Variants in NARF observed in about 807,000 individuals in gnomAD.
NARF encodes the protein iron-only hydrogenase-like protein 2.
NARF carries 41 observed loss-of-function variants against 48.0 expected under a neutral mutation model. That is an observed-to-expected ratio of 0.85 (90% CI 0.66 to 1.11). The LOEUF is 1.11. NARF is among the 50% of genes least tolerant of loss of function. NARF has a pLI of 0.00. For synonymous variants in NARF, 215 were observed against 225.5 expected (o/e 0.95, Z 0.42); for missense variants, 613 against 590.2 (o/e 1.04, Z -0.40).
At chr17:82,465,249 C>A (rs1461513891) in intron 3 of NARF, among the ~76,000 whole-genome samples, 1 of 152,196 alleles carries the variant, frequency 6.6e-6, no homozygotes, top group Non-Finnish European at 1.5e-5. Flanking sequence ...CACCTCCTGC[C>A]AGGCCCAGCC....
chr17:82,467,277 C>T (rs928314854), intron 3 of NARF, among the ~76,000 whole-genome samples: 8 of 151,940 alleles, frequency 5.3e-5, no homozygotes, highest in Non-Finnish European at 7.4e-5. Context: ...GAGCTCCTGA[C>T]CTCAGGCTAT....
intron 3 of NARF, among the ~76,000 whole-genome samples, chr17:82,466,762 C>CT (rs2043579886): frequency 6.6e-6 from 1 of 151,778 alleles, no homozygotes; most frequent in African/African-American, 2.4e-5. Flanking sequence ...CAGATACATT[C>CT]TTTTCTATTT....
chr17:82,486,786 C>G (rs915785059), intron 10 of NARF, among the ~76,000 whole-genome samples: 2 of 152,162 alleles, frequency 1.3e-5, no homozygotes, highest in African/African-American at 4.8e-5. Context: ...CCCTGGAACC[C>G]ATGGGGAGTG....
At chr17:82,478,991 G>A in intron 6 of NARF, 73 bp downstream of exon 6, 1 of 1,434,068 alleles carries the variant, frequency 7.0e-7, no homozygotes, top group Non-Finnish European at 9.6e-7. Context: ...AGGAAGGGGA[G>A]GTTCCCCATC....
At chr17:82,483,245 G>A (rs1302519433) in intron 7 of NARF, 2 of 383,896 alleles carry the variant, frequency 5.2e-6, no homozygotes, top group East Asian at 9.7e-5. Flanking sequence ...CTTGAACCCG[G>A]GAGGCAGAGG....
chr17:82,464,477 G>A (rs1486064813), intron 3 of NARF, 47 bp downstream of exon 3: 2 of 1,573,476 alleles, frequency 1.3e-6, no homozygotes, highest in Non-Finnish European at 1.7e-6. Context: ...TGACCTGGAG[G>A]AAGTGGAGGT....
chr17:82,460,251 G>C (rs1255770241), intron 2 of NARF, 179 bp downstream of exon 2: 2 of 486,092 alleles, frequency 4.1e-6, no homozygotes, highest in Non-Finnish European at 3.7e-6. Flanking sequence ...GATCACTTGA[G>C]GTCAGGAGTT....
chr17:82,477,037 GT>G (rs1278294229), intron 5 of NARF: 1 of 151,956 alleles, frequency 6.6e-6, no homozygotes, highest in Non-Finnish European at 1.5e-5. Context: ...CCAGCCAACA[GT>G]TTTTTAAGCA....
At chr17:82,464,148 G>A (rs1469869623) in intron 2 of NARF, 139 bp from the exon 3 acceptor site, 1 of 1,139,988 alleles carries the variant, frequency 8.8e-7, no homozygotes, top group African/African-American at 1.6e-5. Flanking sequence ...CCTGCTTCCA[G>A]CCCCTTGAGC....
In NARF at chr17:82,487,903, G is replaced by A; in HGVS notation, c.1130-13G>A. 1 of 1,613,956 alleles carries A rather than the reference G, an allele frequency of 6.2e-7. No homozygotes were observed. Among genetic ancestry groups the A allele is most frequent in the Non-Finnish European group, 8.5e-7 (1 of 1,179,862 alleles). ...CTGAGCCCAGGATAAACTTACCTGT[G>A]TTTATCTTTCAGGATGCTTAAATGG... On this transcript the variant is annotated splice_polypyrimidine_tract_variant and intron_variant, in intron 10 of 10. Transcript: ENST00000309794.
At chr17:82,477,193 A>G (rs1304353044) in intron 5 of NARF, 1 of 151,786 alleles carries the variant, frequency 6.6e-6, no homozygotes, top group Non-Finnish European at 1.5e-5. Context: ...TAATTTTTAT[A>G]TTTATTTATT....
At chr17:82,481,678 C>A (rs925056207) in intron 7 of NARF, 27 of 386,684 alleles carry the variant, frequency 7.0e-5, no homozygotes, top group African/African-American at 5.7e-4. Context: ...TGCAGTAAGC[C>A]GAGATCGCGC....
chr17:82,476,206 C>T (rs1466900670), intron 5 of NARF, among the ~76,000 whole-genome samples: 1 of 152,126 alleles, frequency 6.6e-6, no homozygotes, highest in African/African-American at 2.4e-5. Context: ...CAGGGTTTTA[C>T]CATTTTGGTC....
chr17:82,487,219 C>A (rs1375577012), intron 10 of NARF, among the ~76,000 whole-genome samples: 2 of 152,148 alleles, frequency 1.3e-5, no homozygotes, highest in African/African-American at 2.4e-5. Flanking sequence ...CACGGTGGCT[C>A]ACGCCTGTAA....
At position 82,478,563 on chromosome 17, in the gene NARF, C is replaced by T. The variant is rs73999945; in HGVS notation, c.521-237C>T. On this transcript the variant is annotated intron_variant, in intron 5 of 10. Coordinates refer to ENST00000309794, the MANE Select transcript of NARF (RefSeq NM_012336.4). ...ACTCCGACTCTTACTTGTCTGTCGG[C>T]CTTGCAGGGATGCTCCCATTTCCCA... is the stretch of plus-strand genomic sequence containing the variant. 1,952 of 612,808 alleles carry T rather than the reference C, an allele frequency of 3.2e-3. 38 individuals carry two copies. The highest frequency in any genetic ancestry group is 0.031 in the African/African-American group (1,708 of 55,012). The allele number at this position is 612,808 out of a possible 1,614,324, so 38.0% of individuals were successfully genotyped here.
At chr17:82,464,790 G>A (rs1040197218) in intron 3 of NARF, among the ~76,000 whole-genome samples, 4 of 152,158 alleles carry the variant, frequency 2.6e-5, no homozygotes, top group African/African-American at 9.7e-5. Context: ...GCACGTTTTC[G>A]GACACGAGAG....
intron 3 of NARF, among the ~76,000 whole-genome samples, chr17:82,466,984 T>C (rs941210212): frequency 2.0e-5 from 3 of 146,484 alleles, no homozygotes; most frequent in African/African-American, 7.6e-5. Context: ...TAAGCCACCG[T>C]ACCTGGCCTT....
chr17:82,460,200 C>T, intron 2 of NARF, 128 bp downstream of exon 2: 1 of 757,830 alleles, frequency 1.3e-6, no homozygotes, highest in South Asian at 1.8e-5. Context: ...CATGGTGGCT[C>T]ACGCCTGGAA....
At chr17:82,471,557 C>G (rs2043705938) in intron 4 of NARF, among the ~76,000 whole-genome samples, 1 of 150,256 alleles carries the variant, frequency 6.7e-6, no homozygotes, top group African/African-American at 2.5e-5. Context: ...CTTTGGGAGG[C>G]CGAGGCGGGC....
Sources: gnomAD v4.1 joint callset for allele counts (sites outside exome capture counted in the v4.1 genomes callset) on GRCh38, gnomAD v4.1.1 for gene constraint, MANE v1.5 for transcripts, NCBI Gene and HGNC (gene_info 2026-07-23, HGNC 2026-07-21) for gene names.